MTMR4: variants seen among roughly 807,000 people sequenced by gnomAD.
The protein encoded by MTMR4 is phosphatidylinositol-3,5-bisphosphate 3-phosphatase MTMR4.
A neutral mutation model predicts 125.5 loss-of-function variants in MTMR4; 30 were observed. That is an observed-to-expected ratio of 0.24 (90% CI 0.18 to 0.32). The LOEUF is 0.32. Among genes scored for constraint, MTMR4 ranks in the 10% least tolerant of loss-of-function variants. The probability of loss-of-function intolerance (pLI) is 1.00; values close to 1 mark genes in which losing one functional copy is unlikely to be tolerated. For synonymous variants in MTMR4, 498 were observed against 564.5 expected (o/e 0.88, Z 1.67); for missense variants, 1,039 against 1,511.5 (o/e 0.69, Z 5.18).
In MTMR4 at chr17:58,492,399, C is replaced by T. The variant is rs1975336514; in HGVS notation, c.3452+112G>A. 84 of 864,288 alleles carry T rather than the reference C, an allele frequency of 9.7e-5. 1 individual carries two copies. The South Asian group carries it at 1.3e-3, about 13-fold the overall frequency. 53.5% of individuals were successfully genotyped at this position (864,288 alleles called of 1,614,324 possible). A position where few individuals can be genotyped will look rare whatever the true frequency, so the allele number is the denominator to read the frequency against. On this transcript the variant is annotated intron_variant, in intron 17 of 17. Coordinates refer to ENST00000682306, the MANE Select transcript of MTMR4 (RefSeq NM_001378067.1). The stretch of plus-strand genomic sequence containing the variant: ...TTGGCCAGGATGGTCTCAATCTCCT[C>T]ACCTCATGATCCGCCTGCCTCGGCC...
chr17:58,490,021 G>A lies in MTMR4; in HGVS notation c.*1642C>T, dbSNP rs1478219120. On this transcript the variant is annotated 3_prime_UTR_variant, in exon 18 of 18. Transcript: ENST00000682306. Reference sequence around the variant, plus strand: ...CCATTTAAATGAAAAAAAAAGTTCCGCTAGGCTGACCTAAATATGCCAAAA... The same window carrying A: ...CCATTTAAATGAAAAAAAAAGTTCCACTAGGCTGACCTAAATATGCCAAAA... 6.6e-6 allele frequency: 1 copy of A among 152,512 alleles called. No individual in the cohort carries two copies. Among genetic ancestry groups the A allele is most frequent in the African/African-American group, 2.4e-5 (1 of 41,398 alleles). The allele number at this position is 152,512 out of a possible 1,614,324, so 9.4% of individuals were successfully genotyped here.
chr17:58,511,530 C>G lies in MTMR4; in HGVS notation c.253-19G>C, dbSNP rs773009874. 25 of 1,607,820 alleles carry G rather than the reference C, an allele frequency of 1.6e-5. No individual in the cohort carries two copies. The highest frequency in any genetic ancestry group is 2.0e-5 in the Non-Finnish European group (24 of 1,175,450). ...GGGGGACCTGTAGAGGAAGGGCAAA[C>G]TGAAGCTCAGACTCCCCACTGGGTA... On this transcript the variant is annotated intron_variant, in intron 3 of 17. Transcript: ENST00000682306.
At chr17:58,497,599 G>T (rs1399820259) in intron 14 of MTMR4, among the ~76,000 whole-genome samples, 1 of 152,200 alleles carries the variant, frequency 6.6e-6, no homozygotes, top group Admixed American at 6.5e-5. Flanking sequence ...TTGTTTACTT[G>T]TTTAACTCCC....
intron 9 of MTMR4, 130 bp downstream of exon 9, chr17:58,506,613 G>C: frequency 8.8e-7 from 1 of 1,140,588 alleles, no homozygotes; most frequent in Non-Finnish European, 1.2e-6. Context: ...ATAGCTAGTA[G>C]GTAGCAAAGT....
At chr17:58,501,763 C>A (rs1354424297) in intron 14 of MTMR4, among the ~76,000 whole-genome samples, 3 of 151,580 alleles carry the variant, frequency 2.0e-5, no homozygotes, top group Non-Finnish European at 2.9e-5. Flanking sequence ...AATATGCATA[C>A]AAAGTAACCC....
At position 58,508,666 on chromosome 17, in the gene MTMR4, A is replaced by T. The variant is rs772079243; in HGVS notation, c.496+15T>A. 6.2e-7 allele frequency: 1 copy of T among 1,613,720 alleles called. No homozygotes were observed. Among genetic ancestry groups the T allele is most frequent in the Non-Finnish European group, 8.5e-7 (1 of 1,179,638 alleles). On this transcript the variant is annotated intron_variant, in intron 5 of 17. Coordinates refer to ENST00000682306, the MANE Select transcript of MTMR4 (RefSeq NM_001378067.1). The surrounding 1 kb of genome is among the most constrained non-coding windows in gnomAD (Gnocchi z 4.8). ...GGTAAGAAGCAGCCTCCCAAAGAAA[A>T]TAGACTGGCCTCACCTGGCTGACAT...
chr17:58,492,628 G>A (rs903996992), intron 16 of MTMR4, 29 bp from the exon 17 acceptor site: 1 of 1,603,436 alleles, frequency 6.2e-7, no homozygotes. Context: ...AAAAATTCCT[G>A]GTCCTTGTTG....
upstream of MTMR4, among the ~76,000 whole-genome samples, chr17:58,518,205 T>C (rs772673293): frequency 6.6e-6 from 1 of 152,224 alleles, no homozygotes; most frequent in Non-Finnish European, 1.5e-5. Context: ...GCCACTGCTC[T>C]GGGGACCGGA....
chr17:58,491,532 AG>A lies in MTMR4; in HGVS notation c.*130del, dbSNP rs529007495. 1.1e-6 allele frequency: 1 copy of A among 932,240 alleles called. No homozygotes were observed. The highest frequency in any genetic ancestry group is 1.6e-6 in the Non-Finnish European group (1 of 629,722). 57.7% of individuals were successfully genotyped at this position (932,240 alleles called of 1,614,324 possible). On this transcript the variant is annotated 3_prime_UTR_variant, in exon 18 of 18. Coordinates refer to ENST00000682306, the MANE Select transcript of MTMR4 (RefSeq NM_001378067.1). ...CCTCTGCTCCAGTTTCATGATACCA[AG>A]GAGGATTTCTCAAGATGGTATCTCT...
intron 4 of MTMR4, among the ~76,000 whole-genome samples, chr17:58,510,190 T>G (rs1056310444): frequency 6.6e-6 from 1 of 152,208 alleles, no homozygotes; most frequent in African/African-American, 2.4e-5. Flanking sequence ...AATCCTCCAG[T>G]GGTTTCTCAG....
At position 58,491,980 on chromosome 17, in the gene MTMR4, G is replaced by A. The variant is rs970610243; in HGVS notation, c.3453-140C>T. On this transcript the variant is annotated intron_variant, in intron 17 of 17. Coordinates refer to ENST00000682306, the MANE Select transcript of MTMR4 (RefSeq NM_001378067.1). ...GAGGCCAGGAGTTTGAGACTTGCCT[G>A]AGCAACATAGCAAGAGCCCATCGCT... 2.4e-5 allele frequency: 13 copies of A among 535,452 alleles called. No homozygotes were observed. In the South Asian group the frequency reaches 4.6e-4, roughly 19 times the overall value. 33.2% of individuals were successfully genotyped at this position (535,452 alleles called of 1,614,324 possible). A position where few individuals can be genotyped will look rare whatever the true frequency, so the allele number is the denominator to read the frequency against.
upstream of MTMR4, among the ~76,000 whole-genome samples, chr17:58,516,230 C>T (rs1037407826): frequency 1.1e-4 from 16 of 152,026 alleles, no homozygotes; most frequent in African/African-American, 3.9e-4. Flanking sequence ...TAAAGAAGGC[C>T]CAGCTTTTCA....
At chr17:58,516,738 G>A, upstream of MTMR4, 1 of 870,528 alleles carries the variant, frequency 1.1e-6, no homozygotes, top group Non-Finnish European at 1.9e-6. Flanking sequence ...CCCTCACAGA[G>A]ACTCCAGTCT....
chr17:58,498,325 C>G (rs751814467), intron 14 of MTMR4, among the ~76,000 whole-genome samples: 11 of 151,842 alleles, frequency 7.2e-5, no homozygotes, highest in Middle Eastern at 3.2e-3. Context: ...CTCCACAACT[C>G]ATTCTATGTG....
intron 7 of MTMR4, 142 bp from the exon 8 acceptor site, chr17:58,507,461 C>T: frequency 1.5e-6 from 1 of 651,940 alleles, no homozygotes; most frequent in Admixed American, 3.0e-5. Flanking sequence ...GCCCCAACGT[C>T]ACTAGCAGGC....
Position 58,496,092 on chromosome 17 carries a change from T to C in MTMR4, c.2092A>G (p.Lys698Glu), listed in dbSNP as rs746723734. ...GLPPPLPSSQ[K>E]DYLSNKPFKS... is the part of the protein sequence containing the mutation. ...AAAGGTTTATTGCTCAAGTAGTCTT[T>C]CTGGCTGCTGGGCAGAGGAGGAGGA... Residue 698 changes from lysine to glutamate, a missense_variant, in exon 15 of 18, where the codon AAA becomes GAA. Transcript: ENST00000682306. The C allele has an allele frequency of 6.2e-6, 10 of 1,614,118 alleles. No homozygotes were observed. In the South Asian group the frequency reaches 6.6e-5, roughly 11 times the overall value.
chr17:58,508,895 G>T lies in MTMR4; in HGVS notation c.336-54C>A. 1 of 1,572,976 alleles carries T rather than the reference G, an allele frequency of 6.4e-7. No individual in the cohort carries two copies. Among genetic ancestry groups the T allele is most frequent in the South Asian group, 1.1e-5 (1 of 87,884 alleles). On this transcript the variant is annotated intron_variant, in intron 4 of 17. Transcript: ENST00000682306. The surrounding 1 kb of genome is among the most constrained non-coding windows in gnomAD (Gnocchi z 4.8). ...TGAGGCAAAGTGCAGTTGTGCCATG[G>T]GGCTATCAGGGCCAAAAACACAGCC...
At position 58,508,503 on chromosome 17, in the gene MTMR4, G is replaced by A. The variant is rs781039902; in HGVS notation, c.558C>T (p.Asn186=). The A allele has an allele frequency of 1.1e-5, 18 of 1,614,082 alleles. No homozygotes were observed. The highest frequency in any genetic ancestry group is 6.7e-5 in the African/African-American group (5 of 74,916). ...ELARMGFDLQ[N]VWRVSHINSN... ...TGTTGATGTGTGAGACTCTCCAGAC[G>A]TTCTGCAGGTCAAAGCCCATCCTTG... is the stretch of plus-strand genomic sequence containing the variant. The change falls in exon 6 of 18, where the codon AAC becomes AAT. Residue 186 remains asparagine (N), a synonymous_variant. Transcript: ENST00000682306. The surrounding 1 kb of genome is among the most constrained non-coding windows in gnomAD (Gnocchi z 4.8).
At chr17:58,503,602 T>C in intron 14 of MTMR4, 142 bp downstream of exon 14, 3 of 1,037,572 alleles carry the variant, frequency 2.9e-6, no homozygotes, top group South Asian at 1.7e-5. Flanking sequence ...TGAGCCAAGA[T>C]TGCACCACTG....
Sources: allele counts gnomAD v4.1 joint callset (sites outside exome capture counted in the v4.1 genomes callset), GRCh38; gene constraint gnomAD v4.1.1; non-coding constraint Gnocchi (gnomAD v3.1); transcripts MANE v1.5; gene names NCBI Gene and HGNC (gene_info 2026-07-23, HGNC 2026-07-21).